DNAH6: variants seen among roughly 807,000 people sequenced by gnomAD.
DNAH6 encodes the protein axonemal beta dynein heavy chain 6.
Under a neutral mutation model 491.4 loss-of-function variants are expected in DNAH6, and 340 were observed. That is an observed-to-expected ratio of 0.69 (90% CI 0.63 to 0.76). DNAH6 has a LOEUF of 0.76. Among genes scored for constraint, DNAH6 ranks in the 30% least tolerant of loss-of-function variants. The pLI is 0.00. For synonymous variants in DNAH6, 1,603 were observed against 1,686.1 expected, an observed-to-expected ratio of 0.95 and a Z score of 1.21; for missense variants, 4,443 against 4,972.2, an observed-to-expected ratio of 0.89 and a Z score of 3.20.
intron 75 of DNAH6, among the ~76,000 whole-genome samples, chr2:84,815,308 G>C (rs908698316): frequency 2.6e-5 from 4 of 151,502 alleles, no homozygotes; most frequent in African/African-American, 9.7e-5. Flanking sequence ...ATTATCCAAA[G>C]ACCTCGGGCC....
intron 37 of DNAH6, 32 bp downstream of exon 37, chr2:84,659,201 A>G: frequency 1.7e-6 from 2 of 1,155,840 alleles, no homozygotes; most frequent in Non-Finnish European, 2.3e-6. Flanking sequence ...TTTTAACATA[A>G]TAATTCTGAA....
intron 67 of DNAH6, 85 bp downstream of exon 67, chr2:84,785,841 A>G (rs1424877665): frequency 7.6e-7 from 1 of 1,320,706 alleles, no homozygotes; most frequent in African/African-American, 1.5e-5. Flanking sequence ...AAGCTTATAA[A>G]TGTCATTGTG....
At chr2:84,681,631 A>G in intron 42 of DNAH6, 103 bp downstream of exon 42, 3 of 1,054,670 alleles carry the variant, frequency 2.8e-6, no homozygotes, top group Non-Finnish European at 3.8e-6. Context: ...TTGGTGACTC[A>G]CCCAGAAATC....
chr2:84,683,836 G>A (rs532313752), intron 42 of DNAH6, among the ~76,000 whole-genome samples: 3 of 152,182 alleles, frequency 2.0e-5, no homozygotes, highest in Admixed American at 6.5e-5. Flanking sequence ...GCAATGACTG[G>A]CCTCTTTGAA....
chr2:84,800,013 C>T (rs543157947), intron 70 of DNAH6, among the ~76,000 whole-genome samples: 1 of 152,302 alleles, frequency 6.6e-6, no homozygotes, highest in African/African-American at 2.4e-5. Flanking sequence ...AGGGCTATTG[C>T]AGCTAAGAGC....
chr2:84,788,998 A>G (rs1018894918), intron 68 of DNAH6, among the ~76,000 whole-genome samples: 3 of 152,214 alleles, frequency 2.0e-5, no homozygotes, highest in Non-Finnish European at 4.4e-5. Flanking sequence ...GGTAACATCA[A>G]TTCTGCTAAA....
At position 84,579,595 on chromosome 2, in the gene DNAH6, T is replaced by C. The variant is rs1423059149; in HGVS notation, c.2145T>C (p.Asp715=). The C allele has an allele frequency of 6.8e-6, 11 of 1,613,472 alleles. No individual in the cohort carries two copies. Among genetic ancestry groups the C allele is most frequent in the African/African-American group, 1.3e-5 (1 of 74,922 alleles). Residue 715 remains aspartate (D), a synonymous_variant, in exon 14 of 77, where the codon GAT becomes GAC. Transcript: ENST00000389394. ...ATGCCATTATCTTTGAGGCACAAGATGCAGAGTATAAACTTGAGTTTGTTC... is the reference window on the plus strand; with the variant it reads ...ATGCCATTATCTTTGAGGCACAAGACGCAGAGTATAAACTTGAGTTTGTTC... ...KVDAIIFEAQ[D]AEYKLEFVPT... is the part of the protein sequence containing the mutation.
the DNAH6 span, among the ~76,000 whole-genome samples, chr2:84,501,010 C>G: frequency 6.6e-6 from 1 of 152,078 alleles, no homozygotes; most frequent in Admixed American, 6.6e-5. Context: ...ATTTGGATGT[C>G]TTTTATGTCT....
intron 58 of DNAH6, 102 bp from the exon 59 acceptor site, chr2:84,718,102 T>C: frequency 1.0e-6 from 1 of 982,242 alleles, no homozygotes; most frequent in South Asian, 2.0e-5. Context: ...CTCAGCTGAA[T>C]AGTATTCAGA....
chr2:84,535,698 A>AG (rs1677624380), intron 4 of DNAH6, among the ~76,000 whole-genome samples: 1 of 151,250 alleles, frequency 6.6e-6, no homozygotes, highest in Non-Finnish European at 1.5e-5. Flanking sequence ...AAAAAAAAAA[A>AG]TCAGTAACAT....
chr2:84,517,694 G>A (rs1350503102), intron 1 of DNAH6, 125 bp from the exon 2 acceptor site: 1 of 702,916 alleles, frequency 1.4e-6, no homozygotes, highest in African/African-American at 1.8e-5. Flanking sequence ...AACTTTGATG[G>A]GTTTTATTTG....
In DNAH6 at chr2:84,640,861, C is replaced by T. The variant is rs896459043; in HGVS notation, c.4970+283C>T. Among the ~76,000 whole-genome samples, 3 of 152,204 alleles carry T rather than the reference C, an allele frequency of 2.0e-5. No homozygotes were observed. In the East Asian group the frequency reaches 5.8e-4, roughly 29 times the overall value. Reference sequence around the variant, plus strand: ...CACTTCTCCTGAACTCAAATTCAAACATCGGTCTTTTGTGTACAAAAACCT... The same window carrying T: ...CACTTCTCCTGAACTCAAATTCAAATATCGGTCTTTTGTGTACAAAAACCT... On this transcript the variant is annotated intron_variant, in intron 32 of 76. Coordinates refer to ENST00000389394, the MANE Select transcript of DNAH6 (RefSeq NM_001370.2).
chr2:84,667,470 C>T (rs1029612956), intron 37 of DNAH6, among the ~76,000 whole-genome samples: 4 of 152,180 alleles, frequency 2.6e-5, no homozygotes, highest in African/African-American at 7.2e-5. Context: ...CAAAAGAAGA[C>T]ATTTATGCAG....
intron 63 of DNAH6, among the ~76,000 whole-genome samples, chr2:84,760,317 AATT>A (rs991035142): frequency 2.9e-5 from 4 of 139,928 alleles, no homozygotes; most frequent in African/African-American, 1.2e-4. Flanking sequence ...AATGGGACTT[AATT>A]ATCTAAGAAG....
intron 4 of DNAH6, among the ~76,000 whole-genome samples, chr2:84,533,515 G>T (rs542613089): frequency 6.6e-6 from 1 of 152,150 alleles, no homozygotes; most frequent in Admixed American, 6.6e-5. Flanking sequence ...GGAATTTTAG[G>T]CTGACTGAAT....
At chr2:84,675,804 G>A (rs191284106) in intron 40 of DNAH6, among the ~76,000 whole-genome samples, 27 of 152,188 alleles carry the variant, frequency 1.8e-4, no homozygotes, top group African/African-American at 4.6e-4. Flanking sequence ...GACCACAGGC[G>A]CATGCCACCA....
intron 64 of DNAH6, among the ~76,000 whole-genome samples, chr2:84,776,734 C>T (rs1676159175): frequency 6.6e-6 from 1 of 152,172 alleles, no homozygotes; most frequent in South Asian, 2.1e-4. Context: ...CCCAGCCATC[C>T]CATTACTGGG....
intron 33 of DNAH6, among the ~76,000 whole-genome samples, chr2:84,651,988 T>A (rs1396093525): frequency 6.6e-6 from 1 of 152,008 alleles, no homozygotes; most frequent in Non-Finnish European, 1.5e-5. Flanking sequence ...TGCTATTATA[T>A]AAGATGGTAC....
chr2:84,713,354 G>A (rs1227451580), intron 57 of DNAH6, 95 bp downstream of exon 57: 30 of 1,261,558 alleles, frequency 2.4e-5, no homozygotes, highest in Middle Eastern at 1.9e-4. Context: ...GAGGGAAAGT[G>A]CTCCCCCATT....
Sources: gnomAD v4.1 joint callset for allele counts (sites outside exome capture counted in the v4.1 genomes callset) on GRCh38, gnomAD v4.1.1 for gene constraint, MANE v1.5 for transcripts, NCBI Gene and HGNC (gene_info 2026-07-23, HGNC 2026-07-21) for gene names.